SLC17A8: variants seen among roughly 807,000 people sequenced by gnomAD.
The protein encoded by SLC17A8 is solute carrier family 17 member 8.
SLC17A8 carries 31 observed loss-of-function variants against 58.0 expected under a neutral mutation model. That is an observed-to-expected ratio of 0.53 (90% CI 0.40 to 0.72). The LOEUF is 0.72. Among genes scored for constraint, SLC17A8 ranks in the 30% least tolerant of loss-of-function variants. SLC17A8 has a pLI of 0.00. For missense variants in SLC17A8, 655 were observed against 727.8 expected, an observed-to-expected ratio of 0.90 and a Z score of 1.15; for synonymous variants, 228 against 249.0, an observed-to-expected ratio of 0.92 and a Z score of 0.79.
chr12:100,405,289 A>T (rs1206624905), intron 9 of SLC17A8, among the ~76,000 whole-genome samples: 1 of 152,204 alleles, frequency 6.6e-6, no homozygotes, highest in Non-Finnish European at 1.5e-5. Flanking sequence ...AAGCTCTGGG[A>T]CATTGCATTC....
rs552347119 is a variant in SLC17A8, at chr12:100,394,476, G to A, written c.588+993G>A. The stretch of plus-strand genomic sequence containing the variant: ...AAGTGCGGTGGCATGATCTCGGCCC[G>A]TTGCAACATCTGCCTCCCAGGTTCA... On this transcript the variant is annotated intron_variant, in intron 4 of 11. Transcript: ENST00000323346. Among the ~76,000 whole-genome samples, 457 of 141,802 alleles carry A rather than the reference G, an allele frequency of 3.2e-3. 7 individuals carry two copies. The highest frequency in any genetic ancestry group is 6.4e-4 in the Non-Finnish European group (43 of 66,690). 93.0% of individuals were successfully genotyped at this position (141,802 alleles called of 152,430 possible). A position where few individuals can be genotyped will look rare whatever the true frequency, so the allele number is the denominator to read the frequency against.
At chr12:100,369,292 A>T (rs1368531529) in intron 1 of SLC17A8, among the ~76,000 whole-genome samples, 1 of 152,186 alleles carries the variant, frequency 6.6e-6, no homozygotes, top group Non-Finnish European at 1.5e-5. Context: ...ATAAATTAAT[A>T]AAAAATAAAA....
At chr12:100,380,206 C>CA (rs10691046) in intron 1 of SLC17A8, among the ~76,000 whole-genome samples, 6,279 of 120,032 alleles carry the variant, frequency 0.052, 273 homozygotes, top group African/African-American at 0.097. Context: ...AACTCCGTCT[C>CA]AAAAAAAAAA....
At chr12:100,384,152 G>T (rs1050026421) in intron 2 of SLC17A8, among the ~76,000 whole-genome samples, 24 of 152,210 alleles carry the variant, frequency 1.6e-4, no homozygotes, top group African/African-American at 5.8e-4. Context: ...TTCTTCCCAT[G>T]GATTGTGGGC....
chr12:100,372,844 C>T (rs566818083), intron 1 of SLC17A8, among the ~76,000 whole-genome samples: 6 of 152,138 alleles, frequency 3.9e-5, no homozygotes, highest in African/African-American at 7.2e-5. Flanking sequence ...GGATTGCAGG[C>T]GTGAGCCACC....
chr12:100,376,933 C>T (rs1002170444), intron 1 of SLC17A8, among the ~76,000 whole-genome samples: 8 of 152,088 alleles, frequency 5.3e-5, no homozygotes, highest in African/African-American at 7.2e-5. Context: ...CCTCAGCCTC[C>T]GGAGTAGCTG....
At chr12:100,401,985 A>G (rs1415209980) in intron 6 of SLC17A8, 122 bp downstream of exon 6, 3 of 811,176 alleles carry the variant, frequency 3.7e-6, no homozygotes, top group Non-Finnish European at 6.5e-6. Flanking sequence ...TTATTGTATA[A>G]ATGGAATACT....
At chr12:100,360,841 T>C (rs1221984014) in intron 1 of SLC17A8, among the ~76,000 whole-genome samples, 1 of 152,228 alleles carries the variant, frequency 6.6e-6, no homozygotes, top group Non-Finnish European at 1.5e-5. Context: ...CAGCAACTTC[T>C]GGATCTGCTG....
intron 4 of SLC17A8, 106 bp downstream of exon 4, chr12:100,393,589 T>C (rs1269206318): frequency 2.4e-6 from 2 of 817,762 alleles, no homozygotes; most frequent in Non-Finnish European, 2.1e-6. Context: ...TTTTTCTATA[T>C]TTTCTTCCTT....
At chr12:100,414,813 T>TA (rs1372098808) in intron 10 of SLC17A8, among the ~76,000 whole-genome samples, 1 of 152,214 alleles carries the variant, frequency 6.6e-6, no homozygotes, top group African/African-American at 2.4e-5. Flanking sequence ...CTCAAAGTGT[T>TA]ATGTGAAATC....
chr12:100,377,185 C>G (rs1443969614), intron 1 of SLC17A8, among the ~76,000 whole-genome samples: 1 of 152,084 alleles, frequency 6.6e-6, no homozygotes, highest in Non-Finnish European at 1.5e-5. Flanking sequence ...ACTAGGGCAG[C>G]CCATTATAAA....
chr12:100,383,501 T>C lies in SLC17A8; in HGVS notation c.354+2548T>C, dbSNP rs189964709. On this transcript the variant is annotated intron_variant, in intron 2 of 11. Coordinates refer to ENST00000323346, the MANE Select transcript of SLC17A8 (RefSeq NM_139319.3). ...TTCAACCAAATGACAAATACTTTGCTAATTGTATTAAGAAAGGCTCTGAAT... is the reference window on the plus strand; with the variant it reads ...TTCAACCAAATGACAAATACTTTGCCAATTGTATTAAGAAAGGCTCTGAAT... Among the ~76,000 whole-genome samples the C allele has an allele frequency of 4.0e-4, 61 of 152,338 alleles. 1 individual carries two copies. Among genetic ancestry groups the C allele is most frequent in the African/African-American group, 1.4e-3 (60 of 41,586 alleles).
chr12:100,366,666 T>C (rs552465169), intron 1 of SLC17A8, among the ~76,000 whole-genome samples: 14 of 152,328 alleles, frequency 9.2e-5, no homozygotes, highest in African/African-American at 3.4e-4. Flanking sequence ...GTCTTCTCCT[T>C]CAGTCTTTGG....
At chr12:100,371,757 C>G (rs1952560450) in intron 1 of SLC17A8, among the ~76,000 whole-genome samples, 1 of 152,126 alleles carries the variant, frequency 6.6e-6, no homozygotes, top group Non-Finnish European at 1.5e-5. Flanking sequence ...ACCATGTTGG[C>G]CAGGCTGGTC....
At chr12:100,372,819 C>A (rs561564152) in intron 1 of SLC17A8, among the ~76,000 whole-genome samples, 1 of 152,294 alleles carries the variant, frequency 6.6e-6, no homozygotes, top group East Asian at 1.9e-4. Flanking sequence ...CCTGCCTCAG[C>A]GTCCCAAACT....
Position 100,390,985 on chromosome 12 carries a change from G to T in SLC17A8, c.355-16G>T. ...TTTTCTAACAAACACAACTATATCTGATTTCTCATTTCCAGACAGCACAGT... is the reference window on the plus strand; with the variant it reads ...TTTTCTAACAAACACAACTATATCTTATTTCTCATTTCCAGACAGCACAGT... On this transcript the variant is annotated splice_polypyrimidine_tract_variant and intron_variant, in intron 2 of 11. Coordinates refer to ENST00000323346, the MANE Select transcript of SLC17A8 (RefSeq NM_139319.3). 6.4e-7 allele frequency: 1 copy of T among 1,552,794 alleles called. No individual in the cohort carries two copies. Among genetic ancestry groups the T allele is most frequent in the South Asian group, 1.1e-5 (1 of 89,850 alleles).
At chr12:100,404,263 T>C in intron 9 of SLC17A8, 93 bp downstream of exon 9, 2 of 1,527,020 alleles carry the variant, frequency 1.3e-6, no homozygotes, top group Non-Finnish European at 1.8e-6. Context: ...CATTTAGTCA[T>C]TGGAGTGGAT....
At chr12:100,362,807 C>T (rs1437282839) in intron 1 of SLC17A8, among the ~76,000 whole-genome samples, 1 of 152,144 alleles carries the variant, frequency 6.6e-6, no homozygotes, top group Non-Finnish European at 1.5e-5. Flanking sequence ...GGTCCCTCCT[C>T]TCCACCCCTT....
chr12:100,413,604 T>C (rs1202935556), intron 10 of SLC17A8, among the ~76,000 whole-genome samples: 1 of 152,214 alleles, frequency 6.6e-6, no homozygotes, highest in Admixed American at 6.5e-5. Context: ...AGTGCAATCA[T>C]ATCAGAAGCT....
Sources: gnomAD v4.1 joint callset for allele counts (sites outside exome capture counted in the v4.1 genomes callset) on GRCh38, gnomAD v4.1.1 for gene constraint, MANE v1.5 for transcripts, NCBI Gene and HGNC (gene_info 2026-07-23, HGNC 2026-07-21) for gene names.